IGF1R: variants seen among roughly 807,000 people sequenced by gnomAD.
IGF1R encodes insulin like growth factor 1 receptor.
In IGF1R, 44 loss-of-function variants were observed where a neutral mutation model predicts 144.6. The observed-to-expected ratio is 0.30, with a 90% CI of 0.24 to 0.39. The LOEUF is 0.39. Ranked by LOEUF, IGF1R falls within the 10% of genes least tolerant of loss-of-function variation. IGF1R has a pLI of 1.00. For synonymous variants in IGF1R, 795 were observed against 722.8 expected, an observed-to-expected ratio of 1.10 and a Z score of -1.60; for missense variants, 1,355 against 1,833.7, an observed-to-expected ratio of 0.74 and a Z score of 4.77.
chr15:98,925,592 C>T (rs1170548896), intron 13 of IGF1R, among the ~76,000 whole-genome samples: 1 of 152,222 alleles, frequency 6.6e-6, no homozygotes, highest in African/African-American at 2.4e-5. Context: ...CTGCTACTCA[C>T]ATCTGGAGTT....
Position 98,911,441 on chromosome 15 carries a change from C to T in IGF1R, c.1589C>T (p.Ala530Val), listed in dbSNP as rs780247189. The change falls in exon 7 of 21, where the codon GCA becomes GTA. Residue 530 changes from alanine to valine, a missense_variant and splice_region_variant. This residue lies in a region of IGF1R where 880 missense variants were observed against 1,202.7 expected (regional missense o/e 0.73). Coordinates refer to ENST00000650285, the MANE Select transcript of IGF1R (RefSeq NM_000875.5). ...AGCTTCACCGTTTACTACAAGGAAG[C>T]GTGAGTTTCTGCTTTGGGTGATGCC... is the stretch of plus-strand genomic sequence containing the variant. The part of the protein sequence containing the change: ...LISFTVYYKE[A>V]PFKNVTEYDG... The T allele has an allele frequency of 2.8e-5, 46 of 1,614,062 alleles. No individual in the cohort carries two copies. Among genetic ancestry groups the T allele is most frequent in the South Asian group, 4.4e-5 (4 of 91,086 alleles).
rs143899950 is a variant in IGF1R, at chr15:98,659,523, A to T, written c.94+9848A>T. ...CTTCCTGGGGACTGATTGCAAGAAAATGTGGATACTACAGACTTCTGTAGA... is the reference window on the plus strand; with the variant it reads ...CTTCCTGGGGACTGATTGCAAGAAATTGTGGATACTACAGACTTCTGTAGA... On this transcript the variant is annotated intron_variant, in intron 1 of 20. Transcript: ENST00000650285. Among the ~76,000 whole-genome samples, 753 of 152,284 alleles carry T rather than the reference A, an allele frequency of 4.9e-3. 4 individuals carry two copies. Among genetic ancestry groups the T allele is most frequent in the Non-Finnish European group, 8.7e-3 (594 of 68,014 alleles).
chr15:98,725,357 A>G (rs958312591), intron 2 of IGF1R, among the ~76,000 whole-genome samples: 1 of 152,208 alleles, frequency 6.6e-6, no homozygotes, highest in Admixed American at 6.5e-5. Context: ...AAATCCTAGC[A>G]TTTCATCCCA....
At chr15:98,803,498 T>TTTTATTTATTTACTTATTTA (rs1555447245) in intron 2 of IGF1R, among the ~76,000 whole-genome samples, 2 of 144,712 alleles carry the variant, frequency 1.4e-5, no homozygotes, top group African/African-American at 5.1e-5. Context: ...GAATATTACA[T>TTTTATTTATTTACTTATTTA]TTTATTTATT....
chr15:98,962,075 C>T lies in IGF1R; in HGVS notation c.*4633C>T, dbSNP rs987580281. The T allele has an allele frequency of 3.0e-5, 7 of 233,258 alleles. No homozygotes were observed. Among genetic ancestry groups the T allele is most frequent in the Non-Finnish European group, 5.9e-5 (7 of 118,086 alleles). The allele number at this position is 233,258 out of a possible 1,614,324, so 14.4% of individuals were successfully genotyped here. ...CTTTTCCCACAGCAGTCCACCTCTG[C>T]AGGCTGGCAGCCGAATGGCTTGCCA... is the stretch of plus-strand genomic sequence containing the variant. On this transcript the variant is annotated 3_prime_UTR_variant, in exon 21 of 21. Coordinates refer to ENST00000650285, the MANE Select transcript of IGF1R (RefSeq NM_000875.5).
intron 2 of IGF1R, among the ~76,000 whole-genome samples, chr15:98,817,706 G>A (rs908450976): frequency 7.9e-5 from 12 of 152,186 alleles, no homozygotes; most frequent in Admixed American, 7.8e-4. Context: ...TGTAGCCTGG[G>A]TGGCTTAAAC....
chr15:98,817,700 G>A (rs61162212), intron 2 of IGF1R, among the ~76,000 whole-genome samples: 5,327 of 152,284 alleles, frequency 0.035, 316 homozygotes, highest in African/African-American at 0.12. Context: ...AATTACTGTA[G>A]CCTGGGTGGC....
intron 2 of IGF1R, among the ~76,000 whole-genome samples, chr15:98,732,115 G>A (rs1490123923): frequency 6.6e-6 from 1 of 152,196 alleles, no homozygotes; most frequent in African/African-American, 2.4e-5. Context: ...ATCTCCCTGT[G>A]GGGAGGCTGA....
intron 2 of IGF1R, among the ~76,000 whole-genome samples, chr15:98,740,436 C>G (rs954058444): frequency 4.6e-5 from 7 of 152,250 alleles, no homozygotes; most frequent in Non-Finnish European, 1.0e-4. Context: ...AAATAAGAAA[C>G]CCAAACAGAG....
chr15:98,912,023 T>C (rs571432453), intron 7 of IGF1R, among the ~76,000 whole-genome samples: 24 of 152,330 alleles, frequency 1.6e-4, no homozygotes, highest in Non-Finnish European at 3.4e-4. Context: ...GCTTTTCCTG[T>C]GTGATCACAT....
chr15:98,780,356 G>A (rs1045281256), intron 2 of IGF1R, among the ~76,000 whole-genome samples: 5 of 151,438 alleles, frequency 3.3e-5, no homozygotes, highest in Non-Finnish European at 7.4e-5. Flanking sequence ...TTCAAGACCA[G>A]CCTGACAAAC....
At chr15:98,663,889 C>T (rs774440770) in intron 1 of IGF1R, among the ~76,000 whole-genome samples, 3 of 152,246 alleles carry the variant, frequency 2.0e-5, no homozygotes, top group African/African-American at 7.2e-5. Flanking sequence ...GACTTTGCTA[C>T]TGGTGCTTTT....
At chr15:98,902,466 G>GGA (rs1043865221) in intron 5 of IGF1R, among the ~76,000 whole-genome samples, 3 of 137,062 alleles carry the variant, frequency 2.2e-5, no homozygotes, top group Non-Finnish European at 4.5e-5. Flanking sequence ...CGCCCAGGCT[G>GGA]GAGTGTAGTG....
Position 98,676,030 on chromosome 15 carries a change from ATGTTGGCCTGGCTGG to A in IGF1R, c.94+26361_94+26375del, listed in dbSNP as rs2053033570. Among the ~76,000 whole-genome samples, 6 of 151,334 alleles carry A rather than the reference ATGTTGGCCTGGCTGG, an allele frequency of 4.0e-5. No individual in the cohort carries two copies. In the South Asian group the frequency reaches 1.2e-3, roughly 31 times the overall value. The stretch of plus-strand genomic sequence containing the variant: ...TTTTTAGTAGAGATGGGGTTTCCAC[ATGTTGGCCTGGCTGG>A]TGTTGAACTCCCGGCCTCAGGTGAT... On this transcript the variant is annotated intron_variant, in intron 1 of 20. Transcript: ENST00000650285.
At chr15:98,887,764 T>C (rs896560129) in intron 2 of IGF1R, among the ~76,000 whole-genome samples, 1 of 152,214 alleles carries the variant, frequency 6.6e-6, no homozygotes, top group African/African-American at 2.4e-5. Context: ...TTTGTGGGAA[T>C]AACATAGGCT....
chr15:98,684,930 CTTTTT>C lies in IGF1R; in HGVS notation c.95-22614_95-22610del, dbSNP rs5814891. Among the ~76,000 whole-genome samples the C allele has an allele frequency of 4.4e-5, 5 of 113,440 alleles. No homozygotes were observed. The South Asian group carries it at 8.8e-4, about 20-fold the overall frequency. The allele number at this position is 113,440 out of a possible 152,430, so 74.4% of individuals were successfully genotyped here. ...ATGTATATATTTCTTCTTCCTTTTCCTTTTTTTTTTTTTTTTTTTTTTAAATTTTT... is the reference window on the plus strand; with the variant it reads ...ATGTATATATTTCTTCTTCCTTTTCCTTTTTTTTTTTTTTTTTAAATTTTT... On this transcript the variant is annotated intron_variant, in intron 1 of 20. Coordinates refer to ENST00000650285, the MANE Select transcript of IGF1R (RefSeq NM_000875.5).
intron 2 of IGF1R, among the ~76,000 whole-genome samples, chr15:98,814,843 C>T (rs2056662321): frequency 1.3e-5 from 2 of 152,058 alleles, no homozygotes; most frequent in South Asian, 4.1e-4. Context: ...ATGGCCATTC[C>T]GAATTACTGG....
In IGF1R at chr15:98,893,717, G is replaced by A. The variant is rs369430260; in HGVS notation, c.953+2080G>A. The stretch of plus-strand genomic sequence containing the variant: ...CAGCCACCAGAGTTGTGGCAAAGTG[G>A]GAATGCTGTCCATTTGACAGTGTTG... On this transcript the variant is annotated intron_variant, in intron 3 of 20. Transcript: ENST00000650285. 1.1e-4 allele frequency among the ~76,000 whole-genome samples: 16 copies of A among 152,338 alleles called. No homozygotes were observed. In the South Asian group the frequency reaches 2.7e-3, roughly 26 times the overall value.
intron 2 of IGF1R, among the ~76,000 whole-genome samples, chr15:98,889,083 A>C (rs1434154278): frequency 6.6e-6 from 1 of 152,176 alleles, no homozygotes; most frequent in Non-Finnish European, 1.5e-5. Context: ...TCATATGGCC[A>C]CCTCTAGCTA....
Sources: gnomAD v4.1 joint callset for allele counts (sites outside exome capture counted in the v4.1 genomes callset) on GRCh38, gnomAD v4.1.1 for gene constraint, gnomAD v4.1.1 regional missense constraint, MANE v1.5 for transcripts, NCBI Gene and HGNC (gene_info 2026-07-23, HGNC 2026-07-21) for gene names.